LUZP2: variants seen among roughly 807,000 people sequenced by gnomAD.
LUZP2 encodes the protein leucine zipper protein 2.
In LUZP2, 52 loss-of-function variants were observed where a neutral mutation model predicts 51.6. The observed-to-expected ratio is 1.01, with a 90% confidence interval of 0.81 to 1.27. LUZP2 has a LOEUF of 1.27. Among genes scored for constraint, LUZP2 ranks in the 50% most tolerant of loss-of-function variants. The probability of loss-of-function intolerance (pLI) is 0.00; values close to 1 mark genes in which losing one functional copy is unlikely to be tolerated. For synonymous variants in LUZP2, 154 were observed against 137.3 expected, an observed-to-expected ratio of 1.12 and a Z score of -0.85; for missense variants, 436 against 395.4, an observed-to-expected ratio of 1.10 and a Z score of -0.87.
At chr11:24,637,349 C>A (rs1219926585) in intron 1 of LUZP2, among the ~76,000 whole-genome samples, 1 of 151,714 alleles carries the variant, frequency 6.6e-6, no homozygotes, top group Non-Finnish European at 1.5e-5. Flanking sequence ...ACCTCAGGAC[C>A]CTGTGATGAT....
At chr11:24,535,002 A>G (rs1851131068) in intron 1 of LUZP2, among the ~76,000 whole-genome samples, 1 of 151,484 alleles carries the variant, frequency 6.6e-6, no homozygotes, top group Non-Finnish European at 1.5e-5. Context: ...GAATATTGAC[A>G]TAAAGTAAAG....
chr11:24,877,421 CT>C (rs1852307958), intron 5 of LUZP2, among the ~76,000 whole-genome samples: 1 of 135,938 alleles, frequency 7.4e-6, no homozygotes. Flanking sequence ...TTAAGACTCT[CT>C]TAAAAATATG....
intron 5 of LUZP2, among the ~76,000 whole-genome samples, chr11:24,803,355 C>CA (rs1328743626): frequency 2.0e-5 from 3 of 151,956 alleles, no homozygotes; most frequent in East Asian, 1.9e-4. Context: ...TACCAAAAAA[C>CA]AAAAAACAAC....
At chr11:24,877,522 C>A (rs2134283153) in intron 5 of LUZP2, among the ~76,000 whole-genome samples, 1 of 152,128 alleles carries the variant, frequency 6.6e-6, no homozygotes, top group East Asian at 1.9e-4. Flanking sequence ...CAGAGGCATG[C>A]AATGTAAAGT....
At chr11:24,553,129 A>G (rs367903908) in intron 1 of LUZP2, among the ~76,000 whole-genome samples, 1 of 151,690 alleles carries the variant, frequency 6.6e-6, no homozygotes, top group East Asian at 1.9e-4. Flanking sequence ...GAATTTAGAC[A>G]GTATATCTGT....
chr11:25,006,580 G>C (rs774385004), intron 9 of LUZP2, among the ~76,000 whole-genome samples: 1 of 152,158 alleles, frequency 6.6e-6, no homozygotes, highest in Non-Finnish European at 1.5e-5. Context: ...GGCCACACTA[G>C]TCGCTTTTAA....
At chr11:25,022,226 A>G (rs931409313) in intron 9 of LUZP2, among the ~76,000 whole-genome samples, 1 of 152,048 alleles carries the variant, frequency 6.6e-6, no homozygotes, top group African/African-American at 2.4e-5. Flanking sequence ...TTCTTTCATT[A>G]TAATTATTCA....
At chr11:25,036,309 T>C (rs1857858698) in intron 9 of LUZP2, among the ~76,000 whole-genome samples, 2 of 152,080 alleles carry the variant, frequency 1.3e-5, no homozygotes, top group Admixed American at 1.3e-4. Context: ...GTGGGATGAG[T>C]TGTAATATCT....
chr11:24,981,043 G>A (rs1326466128), intron 8 of LUZP2, among the ~76,000 whole-genome samples: 1 of 151,850 alleles, frequency 6.6e-6, no homozygotes, highest in Non-Finnish European at 1.5e-5. Context: ...ATTTCATTAG[G>A]TGACAGCTTG....
chr11:24,694,662 G>A (rs1013234707), intron 1 of LUZP2, among the ~76,000 whole-genome samples: 1 of 151,982 alleles, frequency 6.6e-6, no homozygotes, highest in African/African-American at 2.4e-5. Flanking sequence ...CAAAGACTTA[G>A]AACTAACCCC....
chr11:24,560,454 A>C (rs1243435919), intron 1 of LUZP2, among the ~76,000 whole-genome samples: 1 of 152,152 alleles, frequency 6.6e-6, no homozygotes, highest in Non-Finnish European at 1.5e-5. Flanking sequence ...TAAAAGAATA[A>C]AGAGGGTGAC....
chr11:24,792,269 A>G (rs1033632425), intron 5 of LUZP2, among the ~76,000 whole-genome samples: 3 of 152,096 alleles, frequency 2.0e-5, no homozygotes, highest in East Asian at 1.9e-4. Context: ...CTACTAAAAT[A>G]CAAAAAAATT....
At chr11:25,047,477 G>A (rs1418980582) in intron 9 of LUZP2, among the ~76,000 whole-genome samples, 1 of 150,954 alleles carries the variant, frequency 6.6e-6, no homozygotes, top group Non-Finnish European at 1.5e-5. Flanking sequence ...GGAGTTGCGA[G>A]TGCTTTAAAC....
chr11:24,669,570 T>G (rs1214804807), intron 1 of LUZP2, among the ~76,000 whole-genome samples: 1 of 152,102 alleles, frequency 6.6e-6, no homozygotes, highest in Non-Finnish European at 1.5e-5. Flanking sequence ...TTCTGGGCTG[T>G]GAAAATGGTC....
chr11:24,942,720 T>C (rs1854789771), intron 7 of LUZP2, among the ~76,000 whole-genome samples: 1 of 152,178 alleles, frequency 6.6e-6, no homozygotes, highest in African/African-American at 2.4e-5. Flanking sequence ...AAAAAAACTT[T>C]TATTTTTGAT....
chr11:24,574,581 A>G (rs1852579028), intron 1 of LUZP2, among the ~76,000 whole-genome samples: 1 of 152,050 alleles, frequency 6.6e-6, no homozygotes, highest in Non-Finnish European at 1.5e-5. Flanking sequence ...AAACTACTAC[A>G]ATAGAGGAGA....
intron 9 of LUZP2, among the ~76,000 whole-genome samples, chr11:25,002,654 ACAT>A (rs1193887693): frequency 6.6e-6 from 1 of 152,194 alleles, no homozygotes; most frequent in East Asian, 1.9e-4. Flanking sequence ...TTTTGCTACT[ACAT>A]CAATTTCCTT....
At chr11:24,894,639 A>G (rs11028256) in intron 5 of LUZP2, among the ~76,000 whole-genome samples, 81,731 of 150,290 alleles carry the variant, frequency 0.54, 22,369 homozygotes, top group East Asian at 0.73. Context: ...GGTATCTATT[A>G]TCCTTATCTT....
intron 4 of LUZP2, among the ~76,000 whole-genome samples, chr11:24,756,293 C>T (rs754574490): frequency 3.3e-5 from 5 of 152,214 alleles, no homozygotes; most frequent in African/African-American, 4.8e-5. Flanking sequence ...AACCACCTTA[C>T]ACACATGTTC....
Sources: gnomAD v4.1 joint callset for allele counts (sites outside exome capture counted in the v4.1 genomes callset) on GRCh38, gnomAD v4.1.1 for gene constraint, MANE v1.5 for transcripts, NCBI Gene and HGNC (gene_info 2026-07-23, HGNC 2026-07-21) for gene names.